CUX2: variants seen among roughly 807,000 people sequenced by gnomAD.
CUX2 encodes the protein homeobox protein cut-like 2.
CUX2 carries 40 observed loss-of-function variants against 144.8 expected under a neutral mutation model. That is an observed-to-expected ratio of 0.28 (90% CI 0.21 to 0.36). CUX2 has a LOEUF of 0.36. CUX2 is among the 10% of genes least tolerant of loss of function. The pLI is 1.00. For synonymous variants in CUX2, 827 were observed against 875.6 expected (o/e 0.94, Z 0.98); for missense variants, 1,615 against 1,994.0 (o/e 0.81, Z 3.62).
intron 18 of CUX2, among the ~76,000 whole-genome samples, chr12:111,326,223 T>G (rs1421500632): frequency 5.5e-4 from 6 of 10,858 alleles, no homozygotes; most frequent in South Asian, 5.5e-3. Context: ...GAGGGGTGGG[T>G]TTTGTTTATA....
intron 4 of CUX2, among the ~76,000 whole-genome samples, chr12:111,269,745 G>T (rs1300742036): frequency 6.6e-6 from 1 of 152,108 alleles, no homozygotes; most frequent in South Asian, 2.1e-4. Flanking sequence ...GCCACTCAAG[G>T]TCCCAAGATT....
At chr12:111,222,055 T>C (rs955885718) in intron 3 of CUX2, among the ~76,000 whole-genome samples, 1 of 152,206 alleles carries the variant, frequency 6.6e-6, no homozygotes, top group Non-Finnish European at 1.5e-5. Context: ...TTATGAAAGA[T>C]AATTCAAAGC....
intron 1 of CUX2, among the ~76,000 whole-genome samples, chr12:111,155,817 A>T (rs952853620): frequency 3.2e-4 from 49 of 152,314 alleles, no homozygotes; most frequent in African/African-American, 1.2e-3. Context: ...TTGAATTAGT[A>T]TTCATTTTCT....
At chr12:111,042,608 C>T (rs896556269) in intron 1 of CUX2, among the ~76,000 whole-genome samples, 1 of 152,080 alleles carries the variant, frequency 6.6e-6, no homozygotes, top group African/African-American at 2.4e-5. Context: ...TAGTAGCCAC[C>T]TCCTTAAGAA....
At chr12:111,332,621 G>A (rs529129810) in intron 18 of CUX2, among the ~76,000 whole-genome samples, 69 of 135,168 alleles carry the variant, frequency 5.1e-4, no homozygotes, top group African/African-American at 1.9e-3. Flanking sequence ...TTAACTTTTC[G>A]TTTTGAGGTA....
chr12:111,055,770 G>T (rs925464653), intron 1 of CUX2, among the ~76,000 whole-genome samples: 1 of 152,222 alleles, frequency 6.6e-6, no homozygotes, highest in African/African-American at 2.4e-5. Flanking sequence ...GAAGGTTGGG[G>T]CTGGCCCAGC....
intron 1 of CUX2, among the ~76,000 whole-genome samples, chr12:111,144,845 G>A (rs1411353174): frequency 2.0e-5 from 3 of 152,192 alleles, no homozygotes; most frequent in Non-Finnish European, 2.9e-5. Flanking sequence ...GAGGATGGAA[G>A]ACTGTGGGCC....
intron 4 of CUX2, among the ~76,000 whole-genome samples, chr12:111,288,391 A>G (rs553662514): frequency 6.9e-4 from 105 of 152,182 alleles, no homozygotes; most frequent in Non-Finnish European, 1.1e-3. Context: ...AGAGAGGTAG[A>G]GTCACTTGCC....
intron 1 of CUX2, among the ~76,000 whole-genome samples, chr12:111,198,400 G>GGGAAGC (rs1880371333): frequency 6.6e-6 from 1 of 151,890 alleles, no homozygotes; most frequent in South Asian, 2.1e-4. Context: ...GCTTGAACCT[G>GGGAAGC]GGAAGCGGAG....
chr12:111,260,467 A>G (rs77107407), intron 3 of CUX2, among the ~76,000 whole-genome samples: 1 of 121,068 alleles, frequency 8.3e-6, no homozygotes, highest in Non-Finnish European at 1.8e-5. Flanking sequence ...CTGTCTCAGG[A>G]AAAAAAAAAA....
intron 16 of CUX2, among the ~76,000 whole-genome samples, chr12:111,317,145 T>C (rs905216011): frequency 3.7e-4 from 56 of 152,168 alleles, no homozygotes; most frequent in Non-Finnish European, 5.1e-4. Context: ...TTTTAATGGG[T>C]CTAAGAGGAC....
At position 111,287,342 on chromosome 12, in the gene CUX2, G is replaced by A. The variant is rs890769179; in HGVS notation, c.302-4076G>A. ...CGGAGCAAGCCCTCCGTGGCCCTGCGCAGTCCGCGTGGCACCGCACCGTCT... is the reference window on the plus strand; with the variant it reads ...CGGAGCAAGCCCTCCGTGGCCCTGCACAGTCCGCGTGGCACCGCACCGTCT... On this transcript the variant is annotated intron_variant, in intron 4 of 21. Transcript: ENST00000261726. The surrounding 1 kb of genome is among the most constrained non-coding windows in gnomAD (Gnocchi z 4.2). Among the ~76,000 whole-genome samples the A allele has an allele frequency of 2.6e-5, 4 of 152,158 alleles. No homozygotes were observed. The highest frequency in any genetic ancestry group is 2.1e-4 in the South Asian group (1 of 4,832).
At chr12:111,102,023 C>T (rs538445189) in intron 1 of CUX2, among the ~76,000 whole-genome samples, 5 of 152,360 alleles carry the variant, frequency 3.3e-5, no homozygotes, top group African/African-American at 7.2e-5. Flanking sequence ...CAGATTAAAA[C>T]GTCCTGTCGG....
chr12:111,338,342 CT>C lies in CUX2; in HGVS notation c.3254del (p.Leu1085ArgfsTer11). 1 of 1,614,060 alleles carries C rather than the reference CT, an allele frequency of 6.2e-7. No homozygotes were observed. The highest frequency in any genetic ancestry group is 8.5e-7 in the Non-Finnish European group (1 of 1,179,990). ...LGLTQGSVSD[L>X]LSRPKPWHKL... Reference sequence around the variant, plus strand: ...TCTGACACAGGGCTCCGTGTCTGACCTGCTGTCCCGGCCCAAACCCTGGCAC... The same window carrying C: ...TCTGACACAGGGCTCCGTGTCTGACCGCTGTCCCGGCCCAAACCCTGGCAC... On this transcript the variant is annotated frameshift_variant, in exon 20 of 22. Transcript: ENST00000261726. LOFTEE classifies it high-confidence loss of function.
At chr12:111,233,108 C>G (rs1270080264) in intron 3 of CUX2, among the ~76,000 whole-genome samples, 1 of 152,140 alleles carries the variant, frequency 6.6e-6, no homozygotes. Context: ...AAAGGAATAG[C>G]AGGTACAAAT....
chr12:111,058,076 A>G (rs1870608416), intron 1 of CUX2, among the ~76,000 whole-genome samples: 1 of 152,234 alleles, frequency 6.6e-6, no homozygotes, highest in Admixed American at 6.5e-5. Context: ...AGGAATTTTC[A>G]TAGTTCTTAT....
intron 18 of CUX2, among the ~76,000 whole-genome samples, chr12:111,331,565 G>T (rs1174277715): frequency 6.6e-6 from 1 of 151,892 alleles, no homozygotes; most frequent in African/African-American, 2.4e-5. Context: ...GCCCCAGGAG[G>T]TGGAGGTGGT....
chr12:111,227,690 G>C (rs1040257135), intron 3 of CUX2, among the ~76,000 whole-genome samples: 4 of 152,142 alleles, frequency 2.6e-5, no homozygotes, highest in Non-Finnish European at 5.9e-5. Context: ...GCCAGCTGGG[G>C]GCAGGGAGTG....
chr12:111,064,052 G>A (rs908013996), intron 1 of CUX2, among the ~76,000 whole-genome samples: 2 of 152,188 alleles, frequency 1.3e-5, no homozygotes, highest in African/African-American at 4.8e-5. Context: ...GGACATGGAC[G>A]TTGGGATCAA....
Sources: gnomAD v4.1 joint callset for allele counts (sites outside exome capture counted in the v4.1 genomes callset) on GRCh38, gnomAD v4.1.1 for gene constraint, Gnocchi (gnomAD v3.1) non-coding constraint, MANE v1.5 for transcripts, NCBI Gene and HGNC (gene_info 2026-07-23, HGNC 2026-07-21) for gene names.